The following SRGAP2 variants were observed in gnomAD, a reference collection of about 807,000 sequenced individuals.
SRGAP2 encodes the protein SLIT-ROBO Rho GTPase activating protein 2.
In SRGAP2, 15 loss-of-function variants were observed where a neutral mutation model predicts 57.2. The ratio of observed to expected loss-of-function variants is 0.26; its 90% CI spans 0.18 to 0.40. The LOEUF is 0.40. Ranked by LOEUF, SRGAP2 falls within the 10% of genes least tolerant of loss-of-function variation. The pLI, the probability that SRGAP2 is intolerant of heterozygous loss-of-function variation, is 1.00. For synonymous variants in SRGAP2, 249 were observed against 248.0 expected (o/e 1.00, Z -0.04); for missense variants, 520 against 669.6 (o/e 0.78, Z 2.47).
intron 2 of SRGAP2, among the ~76,000 whole-genome samples, chr1:206,258,453 G>A (rs1320067847): frequency 1.4e-5 from 2 of 147,556 alleles, no homozygotes; most frequent in Non-Finnish European, 3.0e-5. Context: ...GGAGACAAGA[G>A]TATATCTGAA....
At chr1:206,266,434 A>G (rs1410089759) in intron 2 of SRGAP2, among the ~76,000 whole-genome samples, 1 of 151,968 alleles carries the variant, frequency 6.6e-6, no homozygotes, top group Non-Finnish European at 1.5e-5. Flanking sequence ...GTAGAGATGG[A>G]GTTTCTCCAT....
intron 17 of SRGAP2, among the ~76,000 whole-genome samples, chr1:206,444,205 C>T (rs550622196): frequency 6.6e-6 from 1 of 151,932 alleles, no homozygotes; most frequent in South Asian, 2.1e-4. Context: ...ACCACTGCTT[C>T]AGCCCCTAAA....
chr1:206,267,951 A>G (rs1669962765), intron 2 of SRGAP2, among the ~76,000 whole-genome samples: 1 of 150,664 alleles, frequency 6.6e-6, no homozygotes, highest in Non-Finnish European at 1.5e-5. Context: ...TAAGGAAAAT[A>G]ACATACAAAT....
intron 4 of SRGAP2, among the ~76,000 whole-genome samples, chr1:206,374,128 C>T (rs1340078472): frequency 6.6e-6 from 1 of 150,410 alleles, no homozygotes; most frequent in Non-Finnish European, 1.5e-5. Context: ...GGGTTCACGC[C>T]ATTCTCCTGC....
intron 3 of SRGAP2, among the ~76,000 whole-genome samples, chr1:206,306,594 C>G (rs1263081435): frequency 2.6e-5 from 4 of 152,234 alleles, no homozygotes; most frequent in Non-Finnish European, 5.9e-5. Flanking sequence ...TGCTTTTAGT[C>G]TCTTATCTGG....
chr1:206,434,548 G>C (rs1421173668), intron 14 of SRGAP2, among the ~76,000 whole-genome samples: 1 of 152,180 alleles, frequency 6.6e-6, no homozygotes, highest in Admixed American at 6.5e-5. Context: ...GGTTATGTAA[G>C]GATTCGCCTG....
chr1:206,220,376 G>A (rs1558228735), intron 2 of SRGAP2, among the ~76,000 whole-genome samples: 1 of 152,188 alleles, frequency 6.6e-6, no homozygotes, highest in African/African-American at 2.4e-5. Context: ...GAAACTATTT[G>A]GAGTAGGAGT....
intron 13 of SRGAP2, 27 bp downstream of exon 13, chr1:206,421,301 G>C: frequency 1.3e-6 from 1 of 772,872 alleles, no homozygotes; most frequent in Non-Finnish European, 2.4e-6. Flanking sequence ...GGCCAGGCTG[G>C]TCTGGCCTGA....
chr1:206,251,305 T>A lies in SRGAP2; in HGVS notation c.67+45268T>A, dbSNP rs1553311059. On this transcript the variant is annotated intron_variant, in intron 2 of 22. Transcript: ENST00000573034. ...ATTTTTGGGTTAAGGGAAGTTCAAG[T>A]CTCCTGAGTATAGTAGCTACACCAC... 2.0e-5 allele frequency among the ~76,000 whole-genome samples: 3 copies of A among 151,588 alleles called. No individual in the cohort carries two copies. The East Asian group carries it at 5.8e-4, about 29-fold the overall frequency.
At chr1:206,283,083 A>ATTT (rs1670820943) in intron 2 of SRGAP2, among the ~76,000 whole-genome samples, 1 of 151,176 alleles carries the variant, frequency 6.6e-6, no homozygotes, top group Non-Finnish European at 1.5e-5. Flanking sequence ...TGGGCCTTTG[A>ATTT]ACATGCTGTT....
rs782121647 is a variant in SRGAP2, at chr1:206,461,034, C to A, written c.2833-3C>A. The A allele has an allele frequency of 2.9e-6, 2 of 683,712 alleles. No homozygotes were observed. The highest frequency in any genetic ancestry group is 4.5e-5 in the Admixed American group (2 of 44,526). 42.4% of individuals were successfully genotyped at this position (683,712 alleles called of 1,614,324 possible). ...TCACCTCCTCCTTTTTCCTGTTTTG[C>A]AGGATATTGAGGCAACAATGAACTC... On this transcript the variant is annotated splice_polypyrimidine_tract_variant and splice_region_variant and intron_variant, in intron 22 of 22. Coordinates refer to ENST00000573034, the MANE Select transcript of SRGAP2 (RefSeq NM_015326.5).
At chr1:206,447,470 C>A (rs570753434) in intron 18 of SRGAP2, among the ~76,000 whole-genome samples, 34 of 152,160 alleles carry the variant, frequency 2.2e-4, no homozygotes, top group Admixed American at 7.2e-4. Flanking sequence ...TGGGTTCATC[C>A]CTCTCTGCTG....
intron 4 of SRGAP2, among the ~76,000 whole-genome samples, chr1:206,374,164 A>G (rs1553343536): frequency 1.3e-5 from 2 of 150,116 alleles, no homozygotes; most frequent in African/African-American, 4.9e-5. Flanking sequence ...AGCTGGGACT[A>G]CAGGCGCCCG....
intron 1 of SRGAP2, chr1:206,204,791 G>GC (rs1479102686): frequency 4.2e-5 from 5 of 119,928 alleles, no homozygotes; most frequent in African/African-American, 1.9e-4. Context: ...CCTTCCGCTC[G>GC]CCGCCCCCCG....
chr1:206,463,796 T>A lies in SRGAP2; in HGVS notation c.*2376T>A, dbSNP rs1664406069. ...TAGGAACCGATAGGAGGAGAGTCCTTCTCGGCAGAGCTCACTGCAAACAAC... is the reference window on the plus strand; with the variant it reads ...TAGGAACCGATAGGAGGAGAGTCCTACTCGGCAGAGCTCACTGCAAACAAC... On this transcript the variant is annotated 3_prime_UTR_variant, in exon 23 of 23. Transcript: ENST00000573034. The A allele has an allele frequency of 6.6e-6, 1 of 152,560 alleles. No homozygotes were observed. Among genetic ancestry groups the A allele is most frequent in the Non-Finnish European group, 1.5e-5 (1 of 68,052 alleles). The allele number at this position is 152,560 out of a possible 1,614,324, so 9.5% of individuals were successfully genotyped here. A position where few individuals can be genotyped will look rare whatever the true frequency, so the allele number is the denominator to read the frequency against.
intron 13 of SRGAP2, among the ~76,000 whole-genome samples, chr1:206,427,670 C>T (rs1485774822): frequency 6.6e-6 from 1 of 152,200 alleles, no homozygotes; most frequent in East Asian, 1.9e-4. Flanking sequence ...GTCAAACGGG[C>T]AGAAGCTACA....
chr1:206,423,890 A>G (rs1348175113), intron 13 of SRGAP2, among the ~76,000 whole-genome samples: 1 of 150,328 alleles, frequency 6.7e-6, no homozygotes, highest in African/African-American at 2.5e-5. Flanking sequence ...TGCACCCACC[A>G]TAGCCTCCTG....
intron 2 of SRGAP2, among the ~76,000 whole-genome samples, chr1:206,286,973 AAGGGAGG>A (rs1671064360): frequency 6.6e-6 from 1 of 152,196 alleles, no homozygotes; most frequent in Admixed American, 6.5e-5. Context: ...ACAGGGAAGC[AAGGGAGG>A]AGGCAGCAAG....
chr1:206,372,092 T>C (rs1369786402), intron 4 of SRGAP2, among the ~76,000 whole-genome samples: 1 of 85,524 alleles, frequency 1.2e-5, no homozygotes, highest in African/African-American at 9.4e-5. Context: ...AGTGCTGTGG[T>C]TACAGGCATG....
Sources: gnomAD v4.1 joint callset for allele counts (sites outside exome capture counted in the v4.1 genomes callset) on GRCh38, gnomAD v4.1.1 for gene constraint, MANE v1.5 for transcripts, NCBI Gene and HGNC (gene_info 2026-07-23, HGNC 2026-07-21) for gene names.